The following RADIL variants were observed in gnomAD, a reference collection of about 807,000 sequenced individuals.
The protein encoded by RADIL is ras-associating and dilute domain-containing protein.
A neutral mutation model predicts 97.6 loss-of-function variants in RADIL; 99 were observed. The ratio of observed to expected loss-of-function variants is 1.01; its 90% CI spans 0.86 to 1.20. RADIL has a LOEUF of 1.20. Among genes scored for constraint, RADIL ranks in the 50% most tolerant of loss-of-function variants. RADIL has a pLI of 0.00. For missense variants in RADIL, 1,765 were observed against 1,498.9 expected (o/e 1.18, Z -2.93); for synonymous variants, 803 against 691.8 (o/e 1.16, Z -2.52).
At chr7:4,860,538 G>A in intron 2 of RADIL, 1 of 1,614,120 alleles carries the variant, frequency 6.2e-7, no homozygotes, top group Non-Finnish European at 8.5e-7. Flanking sequence ...TTTTCTTTGG[G>A]TGCTGGAAAT....
intron 2 of RADIL, among the ~76,000 whole-genome samples, chr7:4,863,019 C>G (rs566184432): frequency 6.6e-6 from 1 of 152,324 alleles, no homozygotes; most frequent in Admixed American, 6.5e-5. Flanking sequence ...TTCTTGGGCA[C>G]TTCCTGGGAA....
rs1335972976 is a variant in RADIL, at chr7:4,803,584, T to C, written c.2461A>G (p.Arg821Gly). 1 of 1,547,072 alleles carries C rather than the reference T, an allele frequency of 6.5e-7. No individual in the cohort carries two copies. Among genetic ancestry groups the C allele is most frequent in the Admixed American group, 2.0e-5 (1 of 50,946 alleles). ...RSRASPGSPGRPGSGASQPVC... is the reference protein window; with the variant it reads ...RSRASPGSPGGPGSGASQPVC... ...GGCTGGGAGGCCCCACTGCCAGGCCTGCCAGGGCTGCCGGGGCTGGCTCTG... is the reference window on the plus strand; with the variant it reads ...GGCTGGGAGGCCCCACTGCCAGGCCCGCCAGGGCTGCCGGGGCTGGCTCTG... Residue 821 changes from arginine (R) to glycine (G), a missense_variant, in exon 11 of 15, where the codon AGG (arginine) becomes GGG (glycine). Coordinates refer to ENST00000399583, the MANE Select transcript of RADIL (RefSeq NM_018059.5).
chr7:4,799,551 G>A (rs1189704233), intron 14 of RADIL, 68 bp from the exon 15 acceptor site: 8 of 1,611,838 alleles, frequency 5.0e-6, no homozygotes, highest in Middle Eastern at 1.7e-4. Flanking sequence ...GTGCAGCCGG[G>A]CCTCTCCTTT....
Position 4,822,845 on chromosome 7 carries a change from G to C in RADIL, c.1455-291C>G, listed in dbSNP as rs527530173. Among the ~76,000 whole-genome samples the C allele has an allele frequency of 2.0e-5, 3 of 152,256 alleles. No homozygotes were observed. The highest frequency in any genetic ancestry group is 7.2e-5 in the African/African-American group (3 of 41,558). On this transcript the variant is annotated intron_variant, in intron 5 of 14. Coordinates refer to ENST00000399583, the MANE Select transcript of RADIL (RefSeq NM_018059.5). The surrounding 1 kb of genome is among the most constrained non-coding windows in gnomAD (Gnocchi z 5.3). The stretch of plus-strand genomic sequence containing the variant: ...GATGGCTTGCATGTCTTCTCTTTTG[G>C]AATGAGATCATAAAGTGGCTGTGAA...
intron 12 of RADIL, among the ~76,000 whole-genome samples, chr7:4,800,556 A>T (rs1259009479): frequency 6.6e-6 from 1 of 152,062 alleles, no homozygotes; most frequent in Admixed American, 6.5e-5. Context: ...CAGTCCCAGG[A>T]CACTCGCCCC....
intron 2 of RADIL, chr7:4,860,050 C>T (rs376258488): frequency 1.9e-6 from 3 of 1,613,992 alleles, no homozygotes; most frequent in Non-Finnish European, 8.5e-7. Flanking sequence ...TTAATGCAAC[C>T]CCTGAACTTT....
intron 2 of RADIL, among the ~76,000 whole-genome samples, chr7:4,853,530 G>C (rs750853832): frequency 2.0e-5 from 3 of 152,090 alleles, no homozygotes; most frequent in Non-Finnish European, 2.9e-5. Flanking sequence ...ATGACCTGAG[G>C]TCAGGAGTTT....
chr7:4,851,593 T>C (rs1230963091), intron 2 of RADIL, among the ~76,000 whole-genome samples: 1 of 152,166 alleles, frequency 6.6e-6, no homozygotes, highest in Non-Finnish European at 1.5e-5. Flanking sequence ...GCTCACTGAA[T>C]ATGTCATCCT....
At chr7:4,816,873 G>A (rs779300417) in intron 7 of RADIL, among the ~76,000 whole-genome samples, 13 of 152,142 alleles carry the variant, frequency 8.5e-5, no homozygotes, top group Non-Finnish European at 1.8e-4. Context: ...GGGGACCGGC[G>A]GCAGCACCTC....
chr7:4,870,491 G>T (rs1162624056), intron 2 of RADIL, among the ~76,000 whole-genome samples: 1 of 152,154 alleles, frequency 6.6e-6, no homozygotes, highest in African/African-American at 2.4e-5. Context: ...GCCCAGGCTG[G>T]AGTGCAGTGG....
At chr7:4,828,328 G>A (rs1036387162) in intron 5 of RADIL, among the ~76,000 whole-genome samples, 1 of 152,184 alleles carries the variant, frequency 6.6e-6, no homozygotes, top group South Asian at 2.1e-4. Flanking sequence ...GCATGGTGGC[G>A]TGCACTTATA....
At chr7:4,836,670 G>T in intron 2 of RADIL, 65 bp from the exon 3 acceptor site, 2 of 1,587,898 alleles carry the variant, frequency 1.3e-6, no homozygotes, top group Non-Finnish European at 1.7e-6. Context: ...GGGCGCGGTG[G>T]CTCACCCCTG....
chr7:4,860,601 C>T (rs746620753), intron 2 of RADIL: 6 of 1,614,012 alleles, frequency 3.7e-6, no homozygotes, highest in Non-Finnish European at 4.2e-6. Context: ...TCCAAGCTCC[C>T]AACCAGGATT....
At position 4,843,169 on chromosome 7, in the gene RADIL, C is replaced by T. The variant is rs554476455; in HGVS notation, c.536-6564G>A. 1.1e-3 allele frequency among the ~76,000 whole-genome samples: 160 copies of T among 151,700 alleles called. 1 individual carries two copies. The highest frequency in any genetic ancestry group is 1.6e-3 in the Non-Finnish European group (108 of 67,890). ...TTACAGAAGCCCACTACCCCCGACC[C>T]CCGCCAGCTAATTTTTTGTATTTTT... On this transcript the variant is annotated intron_variant, in intron 2 of 14. Coordinates refer to ENST00000399583, the MANE Select transcript of RADIL (RefSeq NM_018059.5).
At chr7:4,841,906 A>T (rs1562446420) in intron 2 of RADIL, among the ~76,000 whole-genome samples, 1 of 152,082 alleles carries the variant, frequency 6.6e-6, no homozygotes, top group Non-Finnish European at 1.5e-5. Context: ...AAATACAAAA[A>T]TTAGCTGGGT....
chr7:4,822,372 T>G lies in RADIL; in HGVS notation c.1615+22A>C, dbSNP rs370633520. 1.3e-6 allele frequency: 2 copies of G among 1,596,720 alleles called. No individual in the cohort carries two copies. The highest frequency in any genetic ancestry group is 1.8e-5 in the Admixed American group (1 of 56,788). The stretch of plus-strand genomic sequence containing the variant: ...CTGCCTGGGGTGCTGGCGGGGGGAA[T>G]GGAGGGCAGCGCCAGCCGTACCTGT... On this transcript the variant is annotated intron_variant, in intron 6 of 14. Coordinates refer to ENST00000399583, the MANE Select transcript of RADIL (RefSeq NM_018059.5). The surrounding 1 kb of genome is among the most constrained non-coding windows in gnomAD (Gnocchi z 5.3).
chr7:4,816,304 G>C lies in RADIL; in HGVS notation c.1890C>G (p.Pro630=), dbSNP rs754497440. ...LDLLRQLQVH[P]EVASQMLAYL... is the part of the protein sequence containing the mutation. ...AGGCGAGCATCTGCGAGGCCACCTC[G>C]GGGTGCACCTGCAGCTGCCGCAGGA... Residue 630 remains proline (P), a synonymous_variant, in exon 8 of 15, where the codon CCC becomes CCG. Coordinates refer to ENST00000399583, the MANE Select transcript of RADIL (RefSeq NM_018059.5). 2.5e-6 allele frequency: 4 copies of C among 1,612,560 alleles called. No individual in the cohort carries two copies. The South Asian group carries it at 3.3e-5, about 13-fold the overall frequency.
rs886880579 is a variant in RADIL at position 4,818,624 on chromosome 7, G to T, written c.1616-1273C>A. Among the ~76,000 whole-genome samples the T allele has an allele frequency of 6.6e-5, 10 of 152,262 alleles. No individual in the cohort carries two copies. In the South Asian group the frequency reaches 2.1e-3, roughly 32 times the overall value. ...CTCCAGGCCTGTGGAGACACACAAG[G>T]TGGCCCGACGGCGCCCACAGCGAGT... is the stretch of plus-strand genomic sequence containing the variant. On this transcript the variant is annotated intron_variant, in intron 6 of 14. Coordinates refer to ENST00000399583, the MANE Select transcript of RADIL (RefSeq NM_018059.5). The surrounding 1 kb of genome is among the most constrained non-coding windows in gnomAD (Gnocchi z 7.1).
In RADIL at chr7:4,833,554, C is replaced by T. The variant is rs568005677; in HGVS notation, c.1416+1053G>A. 2.0e-5 allele frequency among the ~76,000 whole-genome samples: 3 copies of T among 152,302 alleles called. No individual in the cohort carries two copies. The South Asian group carries it at 6.2e-4, about 32-fold the overall frequency. On this transcript the variant is annotated intron_variant, in intron 4 of 14. Coordinates refer to ENST00000399583, the MANE Select transcript of RADIL (RefSeq NM_018059.5). ...GGTGCACAGAGACGGCTCCCACTGACATCTGGACAGGGAAGCCTGAGCTGG... is the reference window on the plus strand; with the variant it reads ...GGTGCACAGAGACGGCTCCCACTGATATCTGGACAGGGAAGCCTGAGCTGG...
Sources: allele counts gnomAD v4.1 joint callset (sites outside exome capture counted in the v4.1 genomes callset), GRCh38; gene constraint gnomAD v4.1.1; non-coding constraint Gnocchi (gnomAD v3.1); transcripts MANE v1.5; gene names NCBI Gene and HGNC (gene_info 2026-07-23, HGNC 2026-07-21).